The following ZNF469 variants were observed in gnomAD, a reference collection of about 807,000 sequenced individuals.
ZNF469 encodes zinc finger protein 469.
ZNF469 carries 1 observed loss-of-function variant against 1.0 expected under a neutral mutation model. That is an observed-to-expected ratio of 1.00 (90% CI 0.35 to 4.73). The LOEUF is 4.73. ZNF469 is among the 30% of genes most tolerant of loss of function. The pLI, the probability that ZNF469 is intolerant of heterozygous loss-of-function variation, is 0.16. For missense variants in ZNF469, 6,100 were observed against 5,356.3 expected (o/e 1.14, Z -4.33); for synonymous variants, 2,703 against 2,363.4 (o/e 1.14, Z -4.17).
At chr16:88,181,033 C>T in the ZNF469 span, among the ~76,000 whole-genome samples, 12 of 151,304 alleles carry the variant, frequency 7.9e-5, no homozygotes, top group African/African-American at 2.9e-4. Context: ...ATTGATTTGA[C>T]ATTTATTAAG....
chr16:88,363,670 T>G, the ZNF469 span, among the ~76,000 whole-genome samples: 3 of 152,336 alleles, frequency 2.0e-5, no homozygotes, highest in South Asian at 6.2e-4. Context: ...CCACAGGTTT[T>G]GCATCAGAGT....
At chr16:88,317,015 G>A in the ZNF469 span, among the ~76,000 whole-genome samples, 2 of 152,216 alleles carry the variant, frequency 1.3e-5, no homozygotes, top group Non-Finnish European at 2.9e-5. Context: ...CAGCTGGAAG[G>A]GGCAATGCTC....
chr16:88,427,938 T>C lies in ZNF469; in HGVS notation c.468T>C (p.Pro156=). The part of the protein sequence containing the change: ...QLPEVDTPQG[P]GTGAPLRPGL... ...CTGAGGTGGACACCCCCCAGGGCCC[T>C]GGGACTGGAGCTCCACTCAGGCCGG... is the stretch of plus-strand genomic sequence containing the variant. Residue 156 remains proline, a synonymous_variant, in exon 3 of 3, where the codon CCT becomes CCC. Transcript: ENST00000565624. 6.5e-7 allele frequency: 1 copy of C among 1,549,892 alleles called. No individual in the cohort carries two copies. The highest frequency in any genetic ancestry group is 1.7e-4 in the Middle Eastern group (1 of 5,986).
chr16:88,382,420 C>T (rs1188436608), upstream of ZNF469, among the ~76,000 whole-genome samples: 1 of 152,262 alleles, frequency 6.6e-6, no homozygotes, highest in Non-Finnish European at 1.5e-5. Flanking sequence ...CAGTCTGGGG[C>T]AGTCCCAGGG....
the ZNF469 span, among the ~76,000 whole-genome samples, chr16:88,254,162 C>G: frequency 6.6e-6 from 1 of 152,184 alleles, no homozygotes; most frequent in Non-Finnish European, 1.5e-5. Context: ...GTTTAGGCAA[C>G]AATGCATTGC....
intron 1 of ZNF469, among the ~76,000 whole-genome samples, chr16:88,397,653 A>AGAT (rs1555516246): frequency 9.4e-4 from 74 of 78,642 alleles, no homozygotes; most frequent in South Asian, 1.8e-3. Flanking sequence ...GGATATAAAT[A>AGAT]AGAGATAGAT....
chr16:88,399,536 C>G (rs1904794927), intron 1 of ZNF469, among the ~76,000 whole-genome samples: 1 of 152,152 alleles, frequency 6.6e-6, no homozygotes, highest in Non-Finnish European at 1.5e-5. Flanking sequence ...GCAGACAGAG[C>G]CACCTTCATG....
the ZNF469 span, among the ~76,000 whole-genome samples, chr16:88,101,918 G>C: frequency 1.3e-5 from 2 of 152,168 alleles, no homozygotes; most frequent in African/African-American, 4.8e-5. Context: ...TCGGCCGCGG[G>C]TGCGTCTTGG....
chr16:88,140,723 G>C, the ZNF469 span, among the ~76,000 whole-genome samples: 8 of 152,186 alleles, frequency 5.3e-5, no homozygotes, highest in African/African-American at 1.9e-4. Context: ...TTTGAGGTCA[G>C]GAGTTCGAGA....
rs191554921 is a variant in ZNF469 at position 88,439,047 on chromosome 16, G to A, written c.11577G>A (p.Pro3859=). ...RKQATPSRVL[P]TKPKPNSQNK... is the part of the protein sequence containing the mutation. ...AGGCAACTCCCAGCCGCGTGCTCCC[G>A]ACCAAGCCCAAGCCCAACAGCCAGA... Residue 3859 remains proline (P), a synonymous_variant, in exon 3 of 3, where the codon CCG becomes CCA. Coordinates refer to ENST00000565624, the MANE Select transcript of ZNF469 (RefSeq NM_001367624.2). 190 of 1,550,002 alleles carry A rather than the reference G, an allele frequency of 1.2e-4. No homozygotes were observed. Among genetic ancestry groups the A allele is most frequent in the Non-Finnish European group, 1.5e-4 (169 of 1,146,818 alleles).
upstream of ZNF469, among the ~76,000 whole-genome samples, chr16:88,382,290 G>T (rs2092527325): frequency 6.6e-6 from 1 of 152,222 alleles, no homozygotes; most frequent in African/African-American, 2.4e-5. Flanking sequence ...TCTTCTTCAG[G>T]CCTTGGTTTC....
rs564742614 is a variant in ZNF469 at position 88,430,683 on chromosome 16, G to A, written c.3213G>A (p.Arg1071=). Residue 1071 remains arginine (R), a synonymous_variant, in exon 3 of 3, where the codon AGG becomes AGA. Transcript: ENST00000565624. ...RHRRLGRRAG[R]CGSLAAGRPR... ...GGCGGCTGGGGCGGCGGGCGGGCAG[G>A]TGCGGCTCCCTGGCGGCGGGGAGGC... 1 of 1,490,712 alleles carries A rather than the reference G, an allele frequency of 6.7e-7. No individual in the cohort carries two copies. Among genetic ancestry groups the A allele is most frequent in the African/African-American group, 1.5e-5 (1 of 68,502 alleles). 92.3% of individuals were successfully genotyped at this position (1,490,712 alleles called of 1,614,324 possible). A position where few individuals can be genotyped will look rare whatever the true frequency, so the allele number is the denominator to read the frequency against.
chr16:88,284,299 C>T, the ZNF469 span, among the ~76,000 whole-genome samples: 12 of 152,250 alleles, frequency 7.9e-5, no homozygotes, highest in East Asian at 3.9e-4. Context: ...TAAAAATGGA[C>T]GCCAGGCTGG....
chr16:88,156,131 A>G, the ZNF469 span, among the ~76,000 whole-genome samples: 1 of 152,232 alleles, frequency 6.6e-6, no homozygotes, highest in African/African-American at 2.4e-5. Flanking sequence ...GAGGTGCTTC[A>G]TATAGTCCAG....
the ZNF469 span, among the ~76,000 whole-genome samples, chr16:88,340,984 G>C: frequency 6.6e-6 from 1 of 152,092 alleles, no homozygotes; most frequent in Non-Finnish European, 1.5e-5. Context: ...CGGGCAAAGC[G>C]GTCCAGGCTG....
chr16:88,412,448 G>A (rs1905197277), intron 1 of ZNF469, among the ~76,000 whole-genome samples: 1 of 152,220 alleles, frequency 6.6e-6, no homozygotes, highest in Non-Finnish European at 1.5e-5. Context: ...TCTGAACCCT[G>A]CTGCATCGGA....
At chr16:88,328,052 C>T in the ZNF469 span, among the ~76,000 whole-genome samples, 104 of 152,380 alleles carry the variant, frequency 6.8e-4, no homozygotes, top group South Asian at 2.7e-3. Context: ...CGGCGACTCC[C>T]ACAGACACAG....
At chr16:88,131,037 G>A in the ZNF469 span, among the ~76,000 whole-genome samples, 4,558 of 152,276 alleles carry the variant, frequency 0.03, 179 homozygotes, top group African/African-American at 0.11. Flanking sequence ...GGCGGGCAGC[G>A]CGGCGTTCGC....
intron 1 of ZNF469, among the ~76,000 whole-genome samples, chr16:88,390,470 G>A (rs760538675): frequency 2.6e-5 from 4 of 152,320 alleles, no homozygotes; most frequent in East Asian, 3.9e-4. Flanking sequence ...AACAGGAGGC[G>A]GCCGCTCTGC....
Sources: gnomAD v4.1 joint callset for allele counts (sites outside exome capture counted in the v4.1 genomes callset) on GRCh38, gnomAD v4.1.1 for gene constraint, MANE v1.5 for transcripts, NCBI Gene and HGNC (gene_info 2026-07-23, HGNC 2026-07-21) for gene names.